Variants in CFAP20DC observed in about 807,000 individuals in gnomAD.
CFAP20DC encodes the protein CFAP20 domain containing, also known as protein CFAP20DC.
A neutral mutation model predicts 101.7 loss-of-function variants in CFAP20DC; 84 were observed. The ratio of observed to expected loss-of-function variants is 0.83; its 90% confidence interval spans 0.69 to 0.99. The LOEUF (loss-of-function observed/expected upper bound fraction) is 0.99. Among genes scored for constraint, CFAP20DC ranks in the 50% least tolerant of loss-of-function variants. The pLI is 0.00. For missense variants in CFAP20DC, 1,007 were observed against 970.3 expected (o/e 1.04, Z -0.50); for synonymous variants, 359 against 351.2 (o/e 1.02, Z -0.25).
At chr3:58,909,964 T>A (rs1180285919) in intron 6 of CFAP20DC, among the ~76,000 whole-genome samples, 1 of 152,146 alleles carries the variant, frequency 6.6e-6, no homozygotes, top group East Asian at 1.9e-4. Flanking sequence ...AGCTCCCACT[T>A]ATGAGTGAGA....
chr3:58,903,597 T>A (rs1012020579), intron 6 of CFAP20DC, among the ~76,000 whole-genome samples: 1 of 152,178 alleles, frequency 6.6e-6, no homozygotes, highest in Non-Finnish European at 1.5e-5. Flanking sequence ...AGCAAACATG[T>A]TCTTCTTCAT....
At chr3:58,981,615 C>T (rs529743581) in intron 4 of CFAP20DC, among the ~76,000 whole-genome samples, 170 of 152,278 alleles carry the variant, frequency 1.1e-3, no homozygotes, top group African/African-American at 3.4e-3. Flanking sequence ...GAAAGGATTC[C>T]CTATTTAATA....
intron 14 of CFAP20DC, among the ~76,000 whole-genome samples, chr3:58,820,157 C>G (rs1232981663): frequency 1.3e-5 from 2 of 151,948 alleles, no homozygotes; most frequent in Admixed American, 6.6e-5. Context: ...ATAATAAGAG[C>G]TATCTATGAC....
At chr3:58,903,197 G>A (rs1443433435) in intron 6 of CFAP20DC, among the ~76,000 whole-genome samples, 1 of 152,048 alleles carries the variant, frequency 6.6e-6, no homozygotes, top group African/African-American at 2.4e-5. Context: ...TTGTTGCTGT[G>A]CTTTTGGTAT....
At chr3:58,936,822 T>C (rs1383794101) in intron 5 of CFAP20DC, among the ~76,000 whole-genome samples, 2 of 151,954 alleles carry the variant, frequency 1.3e-5, no homozygotes, top group South Asian at 4.2e-4. Context: ...TACCTAATGC[T>C]AAATGACGAG....
intron 4 of CFAP20DC, among the ~76,000 whole-genome samples, chr3:58,994,835 T>TAA (rs200143095): frequency 9.7e-5 from 14 of 144,228 alleles, no homozygotes; most frequent in Admixed American, 6.2e-4. Flanking sequence ...CCAAAAGACT[T>TAA]AAAAAAAAAA....
intron 4 of CFAP20DC, among the ~76,000 whole-genome samples, chr3:58,993,966 T>C (rs2093025732): frequency 6.6e-6 from 1 of 152,144 alleles, no homozygotes; most frequent in Non-Finnish European, 1.5e-5. Context: ...GATTGCTGGG[T>C]CAAATGGTAT....
rs200945396 is a variant in CFAP20DC, at chr3:58,891,422, G to GGGGAGAGGGAGA, written c.551-6725_551-6714dup. On this transcript the variant is annotated intron_variant, in intron 6 of 16. Transcript: ENST00000482387. ...GACCGTGGAAAGAGAGGGAGACCGT[G>GGGGAGAGGGAGA]GGGAGAGGGAGAGGGAGAGGGAGAG... 3.9e-3 allele frequency among the ~76,000 whole-genome samples: 513 copies of GGGGAGAGGGAGA among 132,340 alleles called. 3 individuals are homozygous for GGGGAGAGGGAGA. The highest frequency in any genetic ancestry group is 0.011 in the Middle Eastern group (3 of 262). The allele number at this position is 132,340 out of a possible 152,430, so 86.8% of individuals were successfully genotyped here. A position where few individuals can be genotyped will look rare whatever the true frequency, so the allele number is the denominator to read the frequency against.
intron 4 of CFAP20DC, among the ~76,000 whole-genome samples, chr3:58,976,888 C>A (rs2092303090): frequency 6.6e-6 from 1 of 152,038 alleles, no homozygotes; most frequent in Non-Finnish European, 1.5e-5. Context: ...TGCCTTGTGC[C>A]CTGTGCTGAT....
chr3:59,010,826 A>G (rs1365911107), intron 4 of CFAP20DC, among the ~76,000 whole-genome samples: 12 of 152,248 alleles, frequency 7.9e-5, no homozygotes, highest in Admixed American at 7.9e-4. Context: ...ACAAGTCTCA[A>G]TACATTTAAG....
At chr3:58,820,897 T>G (rs1353144770) in intron 14 of CFAP20DC, among the ~76,000 whole-genome samples, 2 of 150,122 alleles carry the variant, frequency 1.3e-5, no homozygotes, top group African/African-American at 5.0e-5. Flanking sequence ...CAAACTATAC[T>G]ACAAGGCTAC....
At chr3:58,734,663 G>A (rs1251139023) in intron 3 of CFAP20DC, 1 of 440,160 alleles carries the variant, frequency 2.3e-6, no homozygotes, top group African/African-American at 2.0e-5. Flanking sequence ...TGGTCCCCAA[G>A]TTCCCTCTAA....
rs760163592 is a variant in CFAP20DC, at chr3:58,937,730, A to C, written c.311T>G (p.Leu104Ter). 6.2e-7 allele frequency: 1 copy of C among 1,610,094 alleles called. No homozygotes were observed. The highest frequency in any genetic ancestry group is 8.5e-7 in the Non-Finnish European group (1 of 1,176,558). Residue 104 changes from leucine to a stop codon, truncating the protein, a stop_gained, in exon 5 of 17, where the codon TTA becomes TGA. Transcript: ENST00000482387. LOFTEE classifies it high-confidence loss of function. Reference protein sequence around the residue: ...ITDLGNIKRRLYLSTVHKELS... With the variant: ...ITDLGNIKRR ...TTCCTTATGGACCGTTGATAAATAT[A>C]ATCTTCTTTTGATGTTCCCTAAATC...
At chr3:58,979,408 C>T (rs1442147972) in intron 4 of CFAP20DC, among the ~76,000 whole-genome samples, 2 of 152,154 alleles carry the variant, frequency 1.3e-5, no homozygotes, top group Non-Finnish European at 1.5e-5. Context: ...TATTTGTGTG[C>T]ACTATGTGTT....
At chr3:58,849,979 A>G (rs376706672) in intron 12 of CFAP20DC, among the ~76,000 whole-genome samples, 8 of 152,206 alleles carry the variant, frequency 5.3e-5, no homozygotes, top group African/African-American at 1.9e-4. Flanking sequence ...TTTTAGTTTT[A>G]GAAAGTATAT....
intron 4 of CFAP20DC, among the ~76,000 whole-genome samples, chr3:58,958,393 G>A (rs2090835940): frequency 6.6e-6 from 1 of 152,146 alleles, no homozygotes; most frequent in African/African-American, 2.4e-5. Flanking sequence ...TCTACTATAT[G>A]GATGTATCAC....
At chr3:58,744,734 T>C (rs951625977) in intron 16 of CFAP20DC, among the ~76,000 whole-genome samples, 1 of 151,986 alleles carries the variant, frequency 6.6e-6, no homozygotes, top group Non-Finnish European at 1.5e-5. Context: ...AGCCATAGGA[T>C]CAACAGGTGG....
chr3:58,750,277 T>C (rs1204743501), intron 16 of CFAP20DC, among the ~76,000 whole-genome samples: 3 of 152,174 alleles, frequency 2.0e-5, no homozygotes, highest in Non-Finnish European at 4.4e-5. Context: ...TCCCTGCTGA[T>C]AAAATGCAGT....
At chr3:58,900,228 T>C (rs542143032) in intron 6 of CFAP20DC, among the ~76,000 whole-genome samples, 61 of 152,280 alleles carry the variant, frequency 4.0e-4, no homozygotes, top group Non-Finnish European at 7.6e-4. Flanking sequence ...AGCCTGGAAG[T>C]GAATGACTGG....
Sources: gnomAD v4.1 joint callset for allele counts (sites outside exome capture counted in the v4.1 genomes callset) on GRCh38, gnomAD v4.1.1 for gene constraint, MANE v1.5 for transcripts, NCBI Gene and HGNC (gene_info 2026-07-23, HGNC 2026-07-21) for gene names.